LMNTD1: variants seen among roughly 807,000 people sequenced by gnomAD.
LMNTD1 encodes lamin tail domain containing 1.
Under a neutral mutation model 50.9 loss-of-function variants are expected in LMNTD1, and 35 were observed. The ratio of observed to expected loss-of-function variants is 0.69; its 90% CI spans 0.53 to 0.91. LMNTD1 has a LOEUF of 0.91. LMNTD1 is among the 40% of genes least tolerant of loss of function. The pLI, the probability that LMNTD1 is intolerant of heterozygous loss-of-function variation, is 0.00. For synonymous variants in LMNTD1, 153 were observed against 161.9 expected (o/e 0.94, Z 0.42); for missense variants, 470 against 475.5 (o/e 0.99, Z 0.11).
chr12:25,613,367 G>A (rs867188317), intron 1 of LMNTD1, among the ~76,000 whole-genome samples: 1 of 152,120 alleles, frequency 6.6e-6, no homozygotes, highest in Non-Finnish European at 1.5e-5. Flanking sequence ...TGACTCTACC[G>A]TTTTTTAGCT....
intron 1 of LMNTD1, among the ~76,000 whole-genome samples, chr12:25,579,271 A>T (rs117684842): frequency 0.02 from 2,973 of 152,302 alleles, 43 homozygotes; most frequent in Non-Finnish European, 0.03. Context: ...ACATGTACAG[A>T]CTTTTTTCTT....
intron 1 of LMNTD1, among the ~76,000 whole-genome samples, chr12:25,607,030 G>C (rs1374135393): frequency 6.6e-6 from 1 of 152,140 alleles, no homozygotes; most frequent in Non-Finnish European, 1.5e-5. Context: ...GGTCTATTCA[G>C]AGATTCCACT....
intron 1 of LMNTD1, among the ~76,000 whole-genome samples, chr12:25,586,340 C>G (rs1337792732): frequency 2.0e-5 from 3 of 152,130 alleles, no homozygotes; most frequent in African/African-American, 7.2e-5. Context: ...CTAAATAGCT[C>G]TCAGGTCCTG....
intron 1 of LMNTD1, among the ~76,000 whole-genome samples, chr12:25,575,844 C>A (rs1254879129): frequency 6.6e-6 from 1 of 152,132 alleles, no homozygotes; most frequent in Non-Finnish European, 1.5e-5. Flanking sequence ...CCTCCTCCCC[C>A]AACACCATGA....
intron 9 of LMNTD1, 46 bp downstream of exon 9, chr12:25,503,692 T>C (rs1939515791): frequency 4.1e-6 from 4 of 968,362 alleles, no homozygotes; most frequent in Non-Finnish European, 6.6e-6. Flanking sequence ...ACTTTAGTCA[T>C]ATTATTTTTC....
intron 1 of LMNTD1, among the ~76,000 whole-genome samples, chr12:25,567,847 A>G (rs1046628385): frequency 2.0e-5 from 3 of 151,714 alleles, no homozygotes; most frequent in Admixed American, 1.3e-4. Context: ...TCTTTTATTT[A>G]TAAACTACCC....
At chr12:25,631,842 A>T (rs1359903269) in intron 1 of LMNTD1, among the ~76,000 whole-genome samples, 2 of 152,218 alleles carry the variant, frequency 1.3e-5, no homozygotes, top group Admixed American at 6.5e-5. Context: ...GTTAGTTATT[A>T]AGCTAATCAG....
At chr12:25,489,148 G>A (rs1938782099) in intron 9 of LMNTD1, among the ~76,000 whole-genome samples, 1 of 151,966 alleles carries the variant, frequency 6.6e-6, no homozygotes, top group Non-Finnish European at 1.5e-5. Flanking sequence ...AACAGTGGTG[G>A]GCTCCACCCA....
chr12:25,576,581 T>C (rs1428124117), intron 1 of LMNTD1, among the ~76,000 whole-genome samples: 1 of 152,252 alleles, frequency 6.6e-6, no homozygotes, highest in Non-Finnish European at 1.5e-5. Context: ...CTTTGTAGAT[T>C]CTGGATATTA....
chr12:25,514,812 T>C (rs1565955986), intron 8 of LMNTD1, among the ~76,000 whole-genome samples: 2 of 152,140 alleles, frequency 1.3e-5, no homozygotes, highest in Non-Finnish European at 2.9e-5. Context: ...TATGAAAATA[T>C]GCACAACACC....
chr12:25,619,760 C>A (rs1044394231), intron 1 of LMNTD1, among the ~76,000 whole-genome samples: 2 of 152,342 alleles, frequency 1.3e-5, no homozygotes, highest in Middle Eastern at 3.4e-3. Context: ...CTCTGCTCAT[C>A]CCCCAGGGAT....
intron 6 of LMNTD1, among the ~76,000 whole-genome samples, chr12:25,524,028 G>T (rs372112568): frequency 2.0e-5 from 3 of 152,134 alleles, no homozygotes; most frequent in African/African-American, 7.2e-5. Context: ...ATGGAGAGAG[G>T]AGAGTCCAGA....
chr12:25,578,600 T>G (rs1263074281), intron 1 of LMNTD1, among the ~76,000 whole-genome samples: 1 of 152,204 alleles, frequency 6.6e-6, no homozygotes, highest in East Asian at 1.9e-4. Context: ...TCACTACCAC[T>G]GTGTAGACTA....
At chr12:25,557,026 A>G (rs1177486434), upstream of LMNTD1, among the ~76,000 whole-genome samples, 3 of 152,328 alleles carry the variant, frequency 2.0e-5, no homozygotes, top group Non-Finnish European at 2.9e-5. Flanking sequence ...CAGGACTACA[A>G]TTTTAAACAC....
Position 25,604,189 on chromosome 12 carries a change from T to A in LMNTD1, c.58+44305A>T, listed in dbSNP as rs1461241580. Reference sequence around the variant, plus strand: ...GTTCTATTTTTTACATTATATTGACTTAAAATCCTTTTTCTTACAGCTTTC... The same window carrying A: ...GTTCTATTTTTTACATTATATTGACATAAAATCCTTTTTCTTACAGCTTTC... On this transcript the variant is annotated intron_variant, in intron 1 of 7. Transcript: ENST00000445693. 3.9e-5 allele frequency among the ~76,000 whole-genome samples: 6 copies of A among 152,116 alleles called. No homozygotes were observed. The South Asian group carries it at 1.2e-3, about 32-fold the overall frequency.
chr12:25,630,855 G>C (rs1189763309), intron 1 of LMNTD1: 1 of 152,320 alleles, frequency 6.6e-6, no homozygotes, highest in Non-Finnish European at 1.5e-5. Context: ...CAAATCCATT[G>C]AGTAGACATC....
At chr12:25,533,355 C>T (rs1279726595) in intron 4 of LMNTD1, among the ~76,000 whole-genome samples, 1 of 152,120 alleles carries the variant, frequency 6.6e-6, no homozygotes, top group Non-Finnish European at 1.5e-5. Flanking sequence ...CATCAGTAGC[C>T]TTTGCACAGT....
chr12:25,608,411 C>A (rs1402976849), intron 1 of LMNTD1, among the ~76,000 whole-genome samples: 1 of 151,954 alleles, frequency 6.6e-6, no homozygotes, highest in African/African-American at 2.4e-5. Flanking sequence ...TTACTTTATG[C>A]AGCTTCTTCC....
intron 1 of LMNTD1, among the ~76,000 whole-genome samples, chr12:25,606,917 C>T (rs974346263): frequency 1.3e-5 from 2 of 152,150 alleles, no homozygotes; most frequent in African/African-American, 4.8e-5. Context: ...GTATCAGCTC[C>T]TCTTTGTACC....
Sources: allele counts gnomAD v4.1 joint callset (sites outside exome capture counted in the v4.1 genomes callset), GRCh38; gene constraint gnomAD v4.1.1; transcripts MANE v1.5; gene names NCBI Gene and HGNC (gene_info 2026-07-23, HGNC 2026-07-21).